The following ARHGAP15 variants were observed in gnomAD, a reference collection of about 807,000 sequenced individuals.
ARHGAP15 encodes Rho GTPase activating protein 15, also known as rho GTPase-activating protein 15.
Under a neutral mutation model 63.7 loss-of-function variants are expected in ARHGAP15, and 51 were observed. The observed-to-expected ratio is 0.80, with a 90% CI of 0.64 to 1.01. The LOEUF is 1.01. ARHGAP15 is among the 50% of genes least tolerant of loss of function. The pLI, the probability that ARHGAP15 is intolerant of heterozygous loss-of-function variation, is 0.00. For synonymous variants in ARHGAP15, 191 were observed against 193.8 expected, an observed-to-expected ratio of 0.99 and a Z score of 0.12; for missense variants, 560 against 564.6, an observed-to-expected ratio of 0.99 and a Z score of 0.08.
At position 143,506,765 on chromosome 2, in the gene ARHGAP15, A is replaced by G. The variant is rs187687097; in HGVS notation, c.827-12501A>G. ...GTTTCCCTCATACTCAAGTGCTCAT[A>G]TTACAATCTTTAGATAGAAATCGGT... On this transcript the variant is annotated intron_variant, in intron 9 of 13. Coordinates refer to ENST00000295095, the MANE Select transcript of ARHGAP15 (RefSeq NM_018460.4). Among the ~76,000 whole-genome samples the G allele has an allele frequency of 2.8e-4, 43 of 152,324 alleles. No individual in the cohort carries two copies. In the East Asian group the frequency reaches 6.6e-3, roughly 23 times the overall value.
intron 2 of ARHGAP15, among the ~76,000 whole-genome samples, chr2:143,175,274 A>T (rs1690970266): frequency 6.6e-6 from 1 of 152,182 alleles, no homozygotes; most frequent in Admixed American, 6.5e-5. Context: ...GCAGTGCTCG[A>T]TGCTATTAAA....
intron 9 of ARHGAP15, among the ~76,000 whole-genome samples, chr2:143,494,537 T>C (rs1692731055): frequency 6.6e-6 from 1 of 152,224 alleles, no homozygotes. Context: ...GTTGTTGTTT[T>C]GGAGTCTTGT....
At chr2:143,301,799 G>A (rs112683334) in intron 6 of ARHGAP15, among the ~76,000 whole-genome samples, 17 of 151,230 alleles carry the variant, frequency 1.1e-4, no homozygotes, top group Non-Finnish European at 1.6e-4. Context: ...ATATACATCC[G>A]TCTAGATATA....
At chr2:143,553,313 G>A (rs1200958456) in intron 10 of ARHGAP15, among the ~76,000 whole-genome samples, 1 of 152,126 alleles carries the variant, frequency 6.6e-6, no homozygotes, top group Non-Finnish European at 1.5e-5. Context: ...TAGCCGGAGA[G>A]CATGAGCCAT....
intron 11 of ARHGAP15, among the ~76,000 whole-genome samples, chr2:143,609,836 A>G (rs1698185164): frequency 6.6e-6 from 1 of 152,172 alleles, no homozygotes. Flanking sequence ...CAAGAATGCC[A>G]GGACTGTGAA....
At chr2:143,194,709 C>CTGTT (rs57572462) in intron 2 of ARHGAP15, among the ~76,000 whole-genome samples, 120,729 of 151,652 alleles carry the variant, frequency 0.8, 48,966 homozygotes, top group African/African-American at 0.95. Flanking sequence ...TCTGAGAAAA[C>CTGTT]AGAGAGAAAC....
intron 12 of ARHGAP15, among the ~76,000 whole-genome samples, chr2:143,695,140 T>A (rs1574851692): frequency 6.6e-6 from 1 of 152,120 alleles, no homozygotes; most frequent in African/African-American, 2.4e-5. Flanking sequence ...TAGTAAAGAC[T>A]TTTTTTAATT....
chr2:143,703,480 G>A lies in ARHGAP15; in HGVS notation c.1200G>A (p.Pro400=), dbSNP rs548446171. The stretch of plus-strand genomic sequence containing the variant: ...AATCTCTTGTACAAAAACTCCCTCC[G>A]CCAAATCGTGACACCATGAAAGTCC... ...AVKSLVQKLP[P]PNRDTMKVLF... The change falls in exon 13 of 14, where the codon CCG becomes CCA. Residue 400 remains proline (P), a synonymous_variant. Coordinates refer to ENST00000295095, the MANE Select transcript of ARHGAP15 (RefSeq NM_018460.4). The A allele has an allele frequency of 1.3e-5, 21 of 1,611,672 alleles. No individual in the cohort carries two copies. Among genetic ancestry groups the A allele is most frequent in the South Asian group, 4.4e-5 (4 of 90,736 alleles).
chr2:143,396,615 G>GT lies in ARHGAP15; in HGVS notation c.475-38971dup, dbSNP rs34811392. 4.4e-3 allele frequency among the ~76,000 whole-genome samples: 645 copies of GT among 147,234 alleles called. 4 individuals carry two copies. The highest frequency in any genetic ancestry group is 0.012 in the East Asian group (60 of 4,988). ...ATATTCCAAAGAAAAAGGGATTTAA[G>GT]TTTTTTTTTTTTTTTAATCTAAACG... On this transcript the variant is annotated intron_variant, in intron 6 of 13. Coordinates refer to ENST00000295095, the MANE Select transcript of ARHGAP15 (RefSeq NM_018460.4).
chr2:143,691,527 A>G (rs1683599156), intron 12 of ARHGAP15, among the ~76,000 whole-genome samples: 1 of 152,182 alleles, frequency 6.6e-6, no homozygotes, highest in African/African-American at 2.4e-5. Flanking sequence ...TCAAATATGT[A>G]AAAAATGGCT....
chr2:143,322,541 G>A (rs1056501985), intron 6 of ARHGAP15, among the ~76,000 whole-genome samples: 2 of 151,526 alleles, frequency 1.3e-5, no homozygotes, highest in Admixed American at 6.6e-5. Context: ...ACAACAAAAG[G>A]GATATTCTTA....
chr2:143,580,216 C>T (rs935877600), intron 11 of ARHGAP15, among the ~76,000 whole-genome samples: 5 of 151,592 alleles, frequency 3.3e-5, no homozygotes, highest in East Asian at 3.9e-4. Context: ...GTCCCAACAA[C>T]GAGTATTTAA....
intron 11 of ARHGAP15, among the ~76,000 whole-genome samples, chr2:143,578,773 C>T (rs143643221): frequency 9.9e-5 from 15 of 152,158 alleles, no homozygotes; most frequent in Non-Finnish European, 1.5e-4. Context: ...TTAGTTTTTA[C>T]GCATGGGCAA....
At chr2:143,316,054 C>T (rs1232730007) in intron 6 of ARHGAP15, among the ~76,000 whole-genome samples, 2 of 151,442 alleles carry the variant, frequency 1.3e-5, no homozygotes, top group Non-Finnish European at 3.0e-5. Context: ...CCATTGCACT[C>T]CATCCTGGGA....
intron 11 of ARHGAP15, among the ~76,000 whole-genome samples, chr2:143,573,791 T>G (rs1305510959): frequency 6.6e-6 from 1 of 152,108 alleles, no homozygotes; most frequent in Non-Finnish European, 1.5e-5. Context: ...CACTCTTCCT[T>G]TACAAGAGGT....
chr2:143,366,819 AGTT>A (rs1306370147), intron 6 of ARHGAP15, among the ~76,000 whole-genome samples: 2 of 152,088 alleles, frequency 1.3e-5, no homozygotes, highest in African/African-American at 4.8e-5. Flanking sequence ...GAAAAATCGT[AGTT>A]ATGTAATTAT....
chr2:143,250,610 T>C lies in ARHGAP15; in HGVS notation c.474+10T>C, dbSNP rs977149128. 62 of 1,602,296 alleles carry C rather than the reference T, an allele frequency of 3.9e-5. 2 individuals carry two copies. In the Admixed American group the frequency reaches 1.0e-3, roughly 27 times the overall value. On this transcript the variant is annotated intron_variant, in intron 6 of 13. Coordinates refer to ENST00000295095, the MANE Select transcript of ARHGAP15 (RefSeq NM_018460.4). The stretch of plus-strand genomic sequence containing the variant: ...AAAGAATGTCTTTCAGGTAAGAATG[T>C]TACATATATTCAATTTATTCCTATT...
At chr2:143,275,143 G>C (rs1362039241) in intron 6 of ARHGAP15, among the ~76,000 whole-genome samples, 1 of 152,154 alleles carries the variant, frequency 6.6e-6, no homozygotes, top group African/African-American at 2.4e-5. Flanking sequence ...GGACAACAGA[G>C]ACTCCATCTC....
intron 6 of ARHGAP15, among the ~76,000 whole-genome samples, chr2:143,286,660 CTA>C (rs1195634981): frequency 6.6e-6 from 1 of 152,046 alleles, no homozygotes; most frequent in South Asian, 2.1e-4. Context: ...ATCTCAGTAA[CTA>C]TACAGGAATC....
Sources: allele counts gnomAD v4.1 joint callset (sites outside exome capture counted in the v4.1 genomes callset), GRCh38; gene constraint gnomAD v4.1.1; transcripts MANE v1.5; gene names NCBI Gene and HGNC (gene_info 2026-07-23, HGNC 2026-07-21).